DPYSL2: variants seen among roughly 807,000 people sequenced by gnomAD.
DPYSL2 encodes dihydropyrimidinase-related protein 2.
A neutral mutation model predicts 69.9 loss-of-function variants in DPYSL2; 13 were observed. The observed-to-expected ratio is 0.19, with a 90% CI of 0.12 to 0.30. The LOEUF (loss-of-function observed/expected upper bound fraction) is 0.30, where lower values mean the gene tolerates loss of function less well. Ranked by LOEUF, DPYSL2 falls within the 10% of genes least tolerant of loss-of-function variation. The probability of loss-of-function intolerance (pLI) is 1.00; values close to 1 mark genes in which losing one functional copy is unlikely to be tolerated. For synonymous variants in DPYSL2, 326 were observed against 359.1 expected, an observed-to-expected ratio of 0.91 and a Z score of 1.04; for missense variants, 587 against 918.9, an observed-to-expected ratio of 0.64 and a Z score of 4.67.
chr8:26,583,026 G>C (rs897033854), intron 2 of DPYSL2, among the ~76,000 whole-genome samples: 9 of 152,132 alleles, frequency 5.9e-5, no homozygotes, highest in Admixed American at 5.2e-4. Flanking sequence ...ATTATAAGAT[G>C]GCACGATCTG....
chr8:26,578,017 C>CTCTG, intron 1 of DPYSL2: 1 of 976,418 alleles, frequency 1.0e-6, no homozygotes, highest in Non-Finnish European at 1.3e-6. Context: ...CTCTCTCTCT[C>CTCTG]TTTTTTTTCC....
rs76764302 is a variant in DPYSL2, at chr8:26,544,677, G to A, written c.354+29998G>A. On this transcript the variant is annotated intron_variant, in intron 1 of 13. Coordinates refer to ENST00000521913, the MANE Select transcript of DPYSL2 (RefSeq NM_001197293.3). The stretch of plus-strand genomic sequence containing the variant: ...ATATAAGTACATGTGTCACTTGGAC[G>A]TGATGTTATCATTTTACTTCTAAAA... Among the ~76,000 whole-genome samples the A allele has an allele frequency of 5.3e-3, 806 of 152,310 alleles. 4 individuals carry two copies. The highest frequency in any genetic ancestry group is 0.018 in the African/African-American group (757 of 41,570).
Position 26,647,499 on chromosome 8 carries a change from G to T in DPYSL2, c.1426-131G>T. On this transcript the variant is annotated intron_variant, in intron 10 of 13. Coordinates refer to ENST00000521913, the MANE Select transcript of DPYSL2 (RefSeq NM_001197293.3). This position sits in a 1 kb window ranked among gnomAD's most constrained non-coding sequence, Gnocchi z 5.1. ...GTGTGTGACCTTTGAGACGGTTTGT[G>T]TTTCACTTGGCACAACGCTCTTGAC... The T allele has an allele frequency of 1.0e-6, 1 of 965,500 alleles. No homozygotes were observed. Among genetic ancestry groups the T allele is most frequent in the East Asian group, 2.5e-5 (1 of 40,464 alleles). 59.8% of individuals were successfully genotyped at this position (965,500 alleles called of 1,614,324 possible). A position where few individuals can be genotyped will look rare whatever the true frequency, so the allele number is the denominator to read the frequency against.
At chr8:26,629,328 A>G (rs1429993186) in intron 7 of DPYSL2, among the ~76,000 whole-genome samples, 1 of 151,780 alleles carries the variant, frequency 6.6e-6, no homozygotes, top group Non-Finnish European at 1.5e-5. Context: ...ACACATACAC[A>G]TAGACACACA....
rs543702918 is a variant in DPYSL2 at position 26,581,517 on chromosome 8, C to T, written c.355-452C>T. Among the ~76,000 whole-genome samples, 377 of 151,836 alleles carry T rather than the reference C, an allele frequency of 2.5e-3. 1 individual carries two copies. The highest frequency in any genetic ancestry group is 8.3e-3 in the African/African-American group (345 of 41,384). ...CCTCCCGAGTAGCTGGGATTACAGGCGCCCACCACCATGCCCAGCCCATTT... is the reference window on the plus strand; with the variant it reads ...CCTCCCGAGTAGCTGGGATTACAGGTGCCCACCACCATGCCCAGCCCATTT... On this transcript the variant is annotated intron_variant, in intron 1 of 13. Coordinates refer to ENST00000521913, the MANE Select transcript of DPYSL2 (RefSeq NM_001197293.3).
chr8:26,608,864 A>G (rs1351915530), intron 3 of DPYSL2, among the ~76,000 whole-genome samples: 1 of 152,226 alleles, frequency 6.6e-6, no homozygotes, highest in East Asian at 1.9e-4. Flanking sequence ...ATCTCAGTCA[A>G]CAGATGACAT....
In DPYSL2 at chr8:26,624,509, T is replaced by G. The variant is rs765489244; in HGVS notation, c.793+202T>G. Among the ~76,000 whole-genome samples, 1 of 152,142 alleles carries G rather than the reference T, an allele frequency of 6.6e-6. No homozygotes were observed. Among genetic ancestry groups the G allele is most frequent in the Non-Finnish European group, 1.5e-5 (1 of 68,020 alleles). On this transcript the variant is annotated intron_variant, in intron 4 of 13. Coordinates refer to ENST00000521913, the MANE Select transcript of DPYSL2 (RefSeq NM_001197293.3). This position sits in a 1 kb window ranked among gnomAD's most constrained non-coding sequence, Gnocchi z 4.7. ...TTACCCAGTGCAGTAACATGAGCCT[T>G]CATTGATGATAAGAGAAGATGAGGC...
At chr8:26,623,283 C>G (rs1563414179) in intron 3 of DPYSL2, among the ~76,000 whole-genome samples, 1 of 152,186 alleles carries the variant, frequency 6.6e-6, no homozygotes. Context: ...TGGGGTTTTG[C>G]AAACCTTACT....
At chr8:26,579,249 C>T (rs1185697481) in intron 1 of DPYSL2, among the ~76,000 whole-genome samples, 1 of 152,232 alleles carries the variant, frequency 6.6e-6, no homozygotes, top group African/African-American at 2.4e-5. Context: ...ACGGGGAAAA[C>T]GTCTGTGCCG....
At chr8:26,577,185 G>C (rs1325801288) in intron 1 of DPYSL2, 1 of 445,540 alleles carries the variant, frequency 2.2e-6, no homozygotes, top group South Asian at 1.6e-5. Context: ...GCGCCTCCAC[G>C]CGGGCCAGAT....
chr8:26,608,903 T>A (rs934060439), intron 3 of DPYSL2, among the ~76,000 whole-genome samples: 1 of 152,186 alleles, frequency 6.6e-6, no homozygotes, highest in African/African-American at 2.4e-5. Context: ...TGCTGGTCTT[T>A]ATTTGGAGGG....
intron 8 of DPYSL2, among the ~76,000 whole-genome samples, chr8:26,636,260 C>T (rs889930714): frequency 1.3e-5 from 2 of 152,224 alleles, no homozygotes; most frequent in African/African-American, 4.8e-5. Flanking sequence ...AATCGGTGGC[C>T]TTGGGCCACC....
chr8:26,568,033 C>G (rs1010065724), intron 1 of DPYSL2, among the ~76,000 whole-genome samples: 34 of 152,204 alleles, frequency 2.2e-4, no homozygotes, highest in African/African-American at 7.0e-4. Context: ...TTACACACTG[C>G]CCACAGATGT....
chr8:26,616,960 C>T (rs375322961), intron 3 of DPYSL2, among the ~76,000 whole-genome samples: 45 of 152,346 alleles, frequency 3.0e-4, no homozygotes, highest in African/African-American at 1.0e-3. Flanking sequence ...TCCTGCTCCA[C>T]GTGCGTAACC....
chr8:26,581,940 G>A (rs761106927), intron 1 of DPYSL2, 29 bp from the exon 2 acceptor site: 18 of 1,567,212 alleles, frequency 1.1e-5, no homozygotes, highest in South Asian at 7.8e-5. Context: ...TCAGTTACGC[G>A]TTGTGACCTT....
chr8:26,644,155 C>T lies in DPYSL2; in HGVS notation c.1425+64C>T. On this transcript the variant is annotated intron_variant, in intron 10 of 13. Transcript: ENST00000521913. This position sits in a 1 kb window ranked among gnomAD's most constrained non-coding sequence, Gnocchi z 4.5. ...CTTCCTTGTCCTCCTCATCTGGGGG[C>T]CATGGGGCTCATGGAGGCCTTGAAA... The T allele has an allele frequency of 6.4e-7, 1 of 1,568,682 alleles. No individual in the cohort carries two copies. Among genetic ancestry groups the T allele is most frequent in the Non-Finnish European group, 8.7e-7 (1 of 1,154,892 alleles).
intron 1 of DPYSL2, among the ~76,000 whole-genome samples, chr8:26,541,847 T>C (rs1317266999): frequency 1.3e-5 from 2 of 151,944 alleles, no homozygotes; most frequent in Non-Finnish European, 2.9e-5. Context: ...ACAAAAATCA[T>C]CAAACAACAA....
intron 3 of DPYSL2, among the ~76,000 whole-genome samples, chr8:26,616,008 G>C (rs1161072769): frequency 6.6e-6 from 1 of 152,176 alleles, no homozygotes; most frequent in East Asian, 1.9e-4. Context: ...TGTAGCAGAT[G>C]CTCTTCAAGC....
At position 26,562,359 on chromosome 8, in the gene DPYSL2, G is replaced by A. The variant is rs1270712754; in HGVS notation, c.355-19610G>A. Among the ~76,000 whole-genome samples the A allele has an allele frequency of 6.6e-6, 1 of 152,202 alleles. No individual in the cohort carries two copies. Among genetic ancestry groups the A allele is most frequent in the Non-Finnish European group, 1.5e-5 (1 of 68,042 alleles). ...GCCTGGCCCAGTAATTGCTGCAAAA[G>A]TGGTAGCTGTTATTATTGCCTCCAA... On this transcript the variant is annotated intron_variant, in intron 1 of 13. Transcript: ENST00000521913. The surrounding 1 kb of genome is among the most constrained non-coding windows in gnomAD (Gnocchi z 4.9).
Sources: gnomAD v4.1 joint callset for allele counts (sites outside exome capture counted in the v4.1 genomes callset) on GRCh38, gnomAD v4.1.1 for gene constraint, Gnocchi (gnomAD v3.1) non-coding constraint, MANE v1.5 for transcripts, NCBI Gene and HGNC (gene_info 2026-07-23, HGNC 2026-07-21) for gene names.